The following DNM2 variants were observed in gnomAD, a reference collection of about 807,000 sequenced individuals.
DNM2 encodes dynamin-2.
Under a neutral mutation model 99.0 loss-of-function variants are expected in DNM2, and 15 were observed. The ratio of observed to expected loss-of-function variants is 0.15; its 90% CI spans 0.10 to 0.23. DNM2 has a LOEUF of 0.23. Ranked by LOEUF, DNM2 falls within the 10% of genes least tolerant of loss-of-function variation. DNM2 has a pLI of 1.00. For missense variants in DNM2, 742 were observed against 1,189.4 expected, an observed-to-expected ratio of 0.62 and a Z score of 5.53; for synonymous variants, 525 against 481.2, an observed-to-expected ratio of 1.09 and a Z score of -1.19.
At position 10,797,395 on chromosome 19, in the gene DNM2, C is replaced by T. The variant is rs768346926; in HGVS notation, c.1212C>T (p.Thr404=). 6.2e-7 allele frequency: 1 copy of T among 1,613,122 alleles called. No homozygotes were observed. The highest frequency in any genetic ancestry group is 8.5e-7 in the Non-Finnish European group (1 of 1,180,014). The stretch of plus-strand genomic sequence containing the variant: ...CATGACCCAGGACGGGGCTCTTCAC[C>T]CCCGACATGGCCTTTGAAGCCATTG... The part of the protein sequence containing the change: ...NIHGVRTGLF[T]PDMAFEAIVK... Residue 404 remains threonine (T), a synonymous_variant, in exon 10 of 21, where the codon ACC becomes ACT. Coordinates refer to ENST00000389253, the MANE Select transcript of DNM2 (RefSeq NM_001005361.3).
chr19:10,808,524 G>C (rs759293798), intron 13 of DNM2, 45 bp from the exon 14 acceptor site: 8 of 1,605,414 alleles, frequency 5.0e-6, no homozygotes. Context: ...TCCTTTGCCT[G>C]CTCTTCCCTG....
At position 10,747,816 on chromosome 19, in the gene DNM2, T is replaced by G. The variant is rs1304082818; in HGVS notation, c.162-11922T>G. Among the ~76,000 whole-genome samples the G allele has an allele frequency of 2.0e-5, 3 of 151,924 alleles. No individual in the cohort carries two copies. In the East Asian group the frequency reaches 5.8e-4, roughly 29 times the overall value. ...GGAAGATGCCAGTTGTGAGTGGCAC[T>G]GAGCATTGAGCGGGTTGATGTGTGA... On this transcript the variant is annotated intron_variant, in intron 1 of 20. Transcript: ENST00000389253.
chr19:10,822,828 C>T (rs572575163), intron 16 of DNM2, among the ~76,000 whole-genome samples: 2 of 145,990 alleles, frequency 1.4e-5, no homozygotes, highest in South Asian at 5.0e-4. Flanking sequence ...ACACACAGGC[C>T]GGGCACGGGG....
intron 1 of DNM2, among the ~76,000 whole-genome samples, chr19:10,737,559 C>T (rs1023183332): frequency 6.6e-6 from 1 of 152,118 alleles, no homozygotes; most frequent in Non-Finnish European, 1.5e-5. Context: ...GATCTTGGCT[C>T]ACTGCAACCT....
At chr19:10,751,183 C>T (rs760814751) in intron 1 of DNM2, among the ~76,000 whole-genome samples, 1 of 151,950 alleles carries the variant, frequency 6.6e-6, no homozygotes, top group Admixed American at 6.6e-5. Context: ...AAATGTCATT[C>T]GAGCGGAATC....
In DNM2 at chr19:10,808,633, A is replaced by G. The variant is rs1160078890; in HGVS notation, c.1557+53A>G. On this transcript the variant is annotated intron_variant, in intron 14 of 20. Coordinates refer to ENST00000389253, the MANE Select transcript of DNM2 (RefSeq NM_001005361.3). ...ACATTAGAGAATCTAGTGGTGATGG[A>G]GACCCCGCCCACCCCTAATATTCCC... 57 of 1,585,744 alleles carry G rather than the reference A, an allele frequency of 3.6e-5. No individual in the cohort carries two copies. In the East Asian group the frequency reaches 1.2e-3, roughly 34 times the overall value.
Position 10,831,568 on chromosome 19 carries a change from G to A in DNM2, c.*521G>A, listed in dbSNP as rs1223982185. ...GCCTGAGGTGTACATAGTCCTTCCC[G>A]GCCATATTAACCACACAGCCTGAGC... is the stretch of plus-strand genomic sequence containing the variant. On this transcript the variant is annotated 3_prime_UTR_variant, in exon 21 of 21. Coordinates refer to ENST00000389253, the MANE Select transcript of DNM2 (RefSeq NM_001005361.3). This position sits in a 1 kb window ranked among gnomAD's most constrained non-coding sequence, Gnocchi z 4.3. The A allele has an allele frequency of 2.1e-5, 21 of 986,058 alleles. No homozygotes were observed. Among genetic ancestry groups the A allele is most frequent in the South Asian group, 4.7e-5 (1 of 21,312 alleles). The allele number at this position is 986,058 out of a possible 1,614,324, so 61.1% of individuals were successfully genotyped here. A position where few individuals can be genotyped will look rare whatever the true frequency, so the allele number is the denominator to read the frequency against.
At chr19:10,736,303 G>A (rs529809199) in intron 1 of DNM2, among the ~76,000 whole-genome samples, 4 of 151,858 alleles carry the variant, frequency 2.6e-5, no homozygotes, top group Non-Finnish European at 5.9e-5. Context: ...AAATAGAGAT[G>A]GGGTCTCACA....
chr19:10,777,367 T>C, intron 5 of DNM2, 151 bp downstream of exon 5: 1 of 763,588 alleles, frequency 1.3e-6, no homozygotes. Context: ...GCTATGTATC[T>C]TTTTCTTCTG....
At chr19:10,819,836 G>A (rs972837633) in intron 15 of DNM2, 144 bp from the exon 16 acceptor site, 3 of 763,390 alleles carry the variant, frequency 3.9e-6, no homozygotes, top group African/African-American at 3.4e-5. Context: ...ACGGGGAAGG[G>A]CCGGCAGATG....
intron 2 of DNM2, among the ~76,000 whole-genome samples, chr19:10,761,106 A>G (rs2070614867): frequency 6.6e-6 from 1 of 151,662 alleles, no homozygotes; most frequent in Non-Finnish European, 1.5e-5. Flanking sequence ...CTCCTTCCTC[A>G]GCCTCCTGAG....
chr19:10,720,075 A>G (rs1243821024), intron 1 of DNM2, among the ~76,000 whole-genome samples: 2 of 101,064 alleles, frequency 2.0e-5, no homozygotes, highest in African/African-American at 7.9e-5. Context: ...CTGCCTGCCC[A>G]GGCTTCTGGG....
At position 10,812,521 on chromosome 19, in the gene DNM2, G is replaced by T; in HGVS notation, c.1671+144G>T. 1.3e-5 allele frequency: 8 copies of T among 623,978 alleles called. No individual in the cohort carries two copies. Among genetic ancestry groups the T allele is most frequent in the Non-Finnish European group, 1.7e-5 (6 of 360,704 alleles). The allele number at this position is 623,978 out of a possible 1,614,324, so 38.7% of individuals were successfully genotyped here. A position where few individuals can be genotyped will look rare whatever the true frequency, so the allele number is the denominator to read the frequency against. ...GGACTGTAACTCGCCGGGCACGGTGGCTCCCGCCTGTAATCCCAGCACTTT... is the reference window on the plus strand; with the variant it reads ...GGACTGTAACTCGCCGGGCACGGTGTCTCCCGCCTGTAATCCCAGCACTTT... On this transcript the variant is annotated intron_variant, in intron 15 of 20. Coordinates refer to ENST00000389253, the MANE Select transcript of DNM2 (RefSeq NM_001005361.3). The surrounding 1 kb of genome is among the most constrained non-coding windows in gnomAD (Gnocchi z 4.0).
intron 2 of DNM2, among the ~76,000 whole-genome samples, chr19:10,768,252 G>A (rs994235466): frequency 6.6e-6 from 1 of 151,968 alleles, no homozygotes; most frequent in South Asian, 2.1e-4. Context: ...AGGAGATCGC[G>A]ATCATCCTGG....
intron 1 of DNM2, among the ~76,000 whole-genome samples, chr19:10,739,819 G>A (rs574742737): frequency 1.5e-5 from 2 of 129,696 alleles, no homozygotes; most frequent in Non-Finnish European, 3.1e-5. Flanking sequence ...TCACTCCACT[G>A]CACTCTAGCC....
rs1482750276 is a variant in DNM2 at position 10,817,613 on chromosome 19, G to T, written c.1672-2367G>T. On this transcript the variant is annotated intron_variant, in intron 15 of 20. Coordinates refer to ENST00000389253, the MANE Select transcript of DNM2 (RefSeq NM_001005361.3). The surrounding 1 kb of genome is among the most constrained non-coding windows in gnomAD (Gnocchi z 4.6). The stretch of plus-strand genomic sequence containing the variant: ...ACCACCACTCTTCCCGAGACGATCC[G>T]CTCTGTCCCTTCTGACGTGGCAAGG... The T allele has an allele frequency of 3.4e-6, 1 of 294,054 alleles. No homozygotes were observed. The allele number at this position is 294,054 out of a possible 1,614,324, so 18.2% of individuals were successfully genotyped here.
At chr19:10,797,621 C>T (rs2071985376) in intron 10 of DNM2, 103 bp downstream of exon 10, 2 of 1,562,792 alleles carry the variant, frequency 1.3e-6, no homozygotes, top group Admixed American at 3.4e-5. Flanking sequence ...CAGGAACCCC[C>T]TTCCGCCTAC....
chr19:10,814,624 C>T (rs2072672000), intron 15 of DNM2, among the ~76,000 whole-genome samples: 1 of 152,174 alleles, frequency 6.6e-6, no homozygotes, highest in Non-Finnish European at 1.5e-5. Context: ...CCACCTTTCC[C>T]AGCCTCTAGT....
rs1326935703 is a variant in DNM2 at position 10,831,203 on chromosome 19, CCT to C, written c.*157_*158del. ...CGCTGGCCCCGGTCCAGGGCCGGCC[CCT>C]GTGCCTGGCTGGACACCGCACTGCG... is the stretch of plus-strand genomic sequence containing the variant. On this transcript the variant is annotated 3_prime_UTR_variant, in exon 21 of 21. Transcript: ENST00000389253. This position sits in a 1 kb window ranked among gnomAD's most constrained non-coding sequence, Gnocchi z 4.3. The C allele has an allele frequency of 2.9e-6, 4 of 1,395,412 alleles. No homozygotes were observed. Among genetic ancestry groups the C allele is most frequent in the Non-Finnish European group, 3.7e-6 (4 of 1,079,044 alleles). 86.4% of individuals were successfully genotyped at this position (1,395,412 alleles called of 1,614,324 possible).
Sources: allele counts gnomAD v4.1 joint callset (sites outside exome capture counted in the v4.1 genomes callset), GRCh38; gene constraint gnomAD v4.1.1; non-coding constraint Gnocchi (gnomAD v3.1); transcripts MANE v1.5; gene names NCBI Gene and HGNC (gene_info 2026-07-23, HGNC 2026-07-21).